C8orf34: variants seen among roughly 807,000 people sequenced by gnomAD.
C8orf34 encodes the protein chromosome 8 open reading frame 34.
A neutral mutation model predicts 68.3 loss-of-function variants in C8orf34; 65 were observed. The ratio of observed to expected loss-of-function variants is 0.95; its 90% CI spans 0.78 to 1.17. The LOEUF is 1.17. C8orf34 is among the 50% of genes most tolerant of loss of function. The probability of loss-of-function intolerance (pLI) is 0.00; values close to 1 mark genes in which losing one functional copy is unlikely to be tolerated. For synonymous variants in C8orf34, 244 were observed against 241.2 expected (o/e 1.01, Z -0.11); for missense variants, 664 against 655.4 (o/e 1.01, Z -0.14).
chr8:68,818,043 G>C (rs1824871803), intron 13 of C8orf34, among the ~76,000 whole-genome samples, 196 bp from the exon 14 acceptor site: 1 of 152,146 alleles, frequency 6.6e-6, no homozygotes, highest in Non-Finnish European at 1.5e-5. Flanking sequence ...AATGTGATTA[G>C]AATTTTACAC....
chr8:68,609,227 G>T (rs1309877267), intron 7 of C8orf34, among the ~76,000 whole-genome samples: 2 of 151,990 alleles, frequency 1.3e-5, no homozygotes, highest in African/African-American at 4.8e-5. Flanking sequence ...TAAGAGAGAG[G>T]AGAGTTGAGA....
chr8:68,420,171 G>A (rs1308844701), intron 1 of C8orf34, among the ~76,000 whole-genome samples: 2 of 151,406 alleles, frequency 1.3e-5, no homozygotes, highest in East Asian at 3.9e-4. Context: ...ACCACCGAGA[G>A]GCAAAGTGAT....
intron 1 of C8orf34, among the ~76,000 whole-genome samples, chr8:68,426,868 T>TG (rs1563429474): frequency 9.1e-4 from 127 of 139,304 alleles, no homozygotes; most frequent in African/African-American, 3.5e-3. Flanking sequence ...AAACTCCGTC[T>TG]AAAAAAAAAC....
At chr8:68,684,650 C>T (rs1223340516) in intron 8 of C8orf34, among the ~76,000 whole-genome samples, 1 of 151,976 alleles carries the variant, frequency 6.6e-6, no homozygotes, top group Non-Finnish European at 1.5e-5. Flanking sequence ...TTTAAATTAG[C>T]ATAATATTTA....
At chr8:68,352,478 G>A (rs530957039) in intron 1 of C8orf34, among the ~76,000 whole-genome samples, 5 of 152,130 alleles carry the variant, frequency 3.3e-5, no homozygotes, top group Admixed American at 3.3e-4. Context: ...ATTATGCAAA[G>A]TTATCCTCAA....
At chr8:68,553,414 A>G (rs1207220012) in intron 7 of C8orf34, among the ~76,000 whole-genome samples, 1 of 150,164 alleles carries the variant, frequency 6.7e-6, no homozygotes, top group East Asian at 2.0e-4. Flanking sequence ...AAAAAAACAT[A>G]TCCTCCACTC....
At chr8:68,717,637 A>G (rs1021492389) in intron 9 of C8orf34, among the ~76,000 whole-genome samples, 1 of 152,022 alleles carries the variant, frequency 6.6e-6, no homozygotes, top group African/African-American at 2.4e-5. Flanking sequence ...TGGGGTGTTT[A>G]TTTTGTCTTT....
chr8:68,725,031 C>G (rs944578730), intron 10 of C8orf34, among the ~76,000 whole-genome samples: 4 of 151,736 alleles, frequency 2.6e-5, no homozygotes. Context: ...ACACACCTGG[C>G]AAAATTTTAT....
rs190610273 is a variant in C8orf34 at position 68,793,852 on chromosome 8, A to T, written c.1549+6316A>T. Among the ~76,000 whole-genome samples the T allele has an allele frequency of 3.9e-4, 60 of 152,328 alleles. No homozygotes were observed. The East Asian group carries it at 7.5e-3, about 19-fold the overall frequency. ...ATTAAAAAAATTACTGGCAAAAATTAAAAAAAGTATTAATTTCCAATAGAA... is the reference window on the plus strand; with the variant it reads ...ATTAAAAAAATTACTGGCAAAAATTTAAAAAAGTATTAATTTCCAATAGAA... On this transcript the variant is annotated intron_variant, in intron 12 of 13. Transcript: ENST00000518698.
At chr8:68,344,001 A>G (rs1806180929) in intron 1 of C8orf34, among the ~76,000 whole-genome samples, 1 of 152,192 alleles carries the variant, frequency 6.6e-6, no homozygotes, top group South Asian at 2.1e-4. Context: ...TTCTGAGATT[A>G]CAGGTGTGAG....
chr8:68,614,063 T>C (rs1490327812), intron 7 of C8orf34, among the ~76,000 whole-genome samples: 2 of 152,242 alleles, frequency 1.3e-5, no homozygotes, highest in Non-Finnish European at 2.9e-5. Flanking sequence ...TTTTTTCATG[T>C]GTTTTTTGGC....
chr8:68,465,940 T>G (rs1216928574), intron 3 of C8orf34, among the ~76,000 whole-genome samples: 1 of 147,964 alleles, frequency 6.8e-6, no homozygotes, highest in African/African-American at 2.5e-5. Context: ...ACCCTAAAAC[T>G]TAAAGTATAA....
chr8:68,527,037 A>G (rs1379900793), intron 6 of C8orf34, among the ~76,000 whole-genome samples: 1 of 152,148 alleles, frequency 6.6e-6, no homozygotes, highest in Non-Finnish European at 1.5e-5. Context: ...TTCTAAACCA[A>G]AGCAAAATGG....
chr8:68,522,034 A>G, intron 6 of C8orf34, 63 bp downstream of exon 6: 1 of 1,421,808 alleles, frequency 7.0e-7, no homozygotes, highest in Non-Finnish European at 9.6e-7. Flanking sequence ...GGGAAAATAA[A>G]CCCAAGTTCA....
intron 7 of C8orf34, among the ~76,000 whole-genome samples, chr8:68,637,398 C>G (rs985383501): frequency 6.6e-6 from 1 of 152,028 alleles, no homozygotes; most frequent in Non-Finnish European, 1.5e-5. Flanking sequence ...AAATTTCCAG[C>G]CTTGATGATC....
chr8:68,387,499 G>T (rs1563397097), intron 1 of C8orf34, among the ~76,000 whole-genome samples: 1 of 152,082 alleles, frequency 6.6e-6, no homozygotes. Flanking sequence ...TTCAAATATG[G>T]ATTAAAAAGA....
intron 1 of C8orf34, among the ~76,000 whole-genome samples, chr8:68,360,354 A>G (rs1482143022): frequency 3.3e-5 from 5 of 152,234 alleles, no homozygotes; most frequent in Non-Finnish European, 7.3e-5. Flanking sequence ...CTAAAAAAAT[A>G]ATCATACACT....
intron 7 of C8orf34, among the ~76,000 whole-genome samples, chr8:68,540,260 G>A (rs1232318354): frequency 6.7e-6 from 1 of 150,280 alleles, no homozygotes; most frequent in African/African-American, 2.5e-5. Flanking sequence ...CAATTTTTTG[G>A]TTTATGTCTG....
At chr8:68,662,118 G>T (rs544266840) in intron 8 of C8orf34, among the ~76,000 whole-genome samples, 7 of 152,280 alleles carry the variant, frequency 4.6e-5, no homozygotes, top group Non-Finnish European at 8.8e-5. Flanking sequence ...AGGGCTTGGG[G>T]CTTTGGCGGG....
Sources: gnomAD v4.1 joint callset for allele counts (sites outside exome capture counted in the v4.1 genomes callset) on GRCh38, gnomAD v4.1.1 for gene constraint, MANE v1.5 for transcripts, NCBI Gene and HGNC (gene_info 2026-07-23, HGNC 2026-07-21) for gene names.